The following CLSTN1 variants were observed in gnomAD, a reference collection of about 807,000 sequenced individuals.
CLSTN1 encodes calsyntenin-1.
CLSTN1 carries 28 observed loss-of-function variants against 108.3 expected under a neutral mutation model. That is an observed-to-expected ratio of 0.26 (90% CI 0.19 to 0.35). The LOEUF (loss-of-function observed/expected upper bound fraction) is 0.35, where lower values mean the gene tolerates loss of function less well. CLSTN1 is among the 10% of genes least tolerant of loss of function. The probability of loss-of-function intolerance (pLI) is 1.00; values close to 1 mark genes in which losing one functional copy is unlikely to be tolerated. For synonymous variants in CLSTN1, 524 were observed against 534.9 expected, an observed-to-expected ratio of 0.98 and a Z score of 0.28; for missense variants, 1,157 against 1,302.6, an observed-to-expected ratio of 0.89 and a Z score of 1.72.
intron 2 of CLSTN1, among the ~76,000 whole-genome samples, chr1:9,767,161 T>C (rs1342392274): frequency 6.6e-6 from 1 of 152,200 alleles, no homozygotes; most frequent in Non-Finnish European, 1.5e-5. Flanking sequence ...ACAAAGTAGC[T>C]TCTCCTGCTG....
chr1:9,774,548 A>G (rs1262050386), intron 1 of CLSTN1, among the ~76,000 whole-genome samples: 1 of 151,950 alleles, frequency 6.6e-6, no homozygotes, highest in East Asian at 1.9e-4. Flanking sequence ...ACTGGGCGAC[A>G]GAGTGAGACT....
At chr1:9,754,849 C>T (rs1174270502) in intron 4 of CLSTN1, among the ~76,000 whole-genome samples, 3 of 152,102 alleles carry the variant, frequency 2.0e-5, no homozygotes, top group Admixed American at 6.6e-5. Context: ...GAGCAAAACT[C>T]CATCTCAAAA....
At chr1:9,764,520 C>G (rs762922815) in intron 2 of CLSTN1, among the ~76,000 whole-genome samples, 1 of 151,886 alleles carries the variant, frequency 6.6e-6, no homozygotes, top group South Asian at 2.1e-4. Flanking sequence ...GCCTGTAATC[C>G]CAGCTACTCG....
At chr1:9,776,948 T>C (rs1415178354) in intron 1 of CLSTN1, among the ~76,000 whole-genome samples, 1 of 152,030 alleles carries the variant, frequency 6.6e-6, no homozygotes, top group Non-Finnish European at 1.5e-5. Context: ...CCAGGAGCAG[T>C]GTCTCATGCC....
At chr1:9,784,096 A>C (rs1653369927) in intron 1 of CLSTN1, among the ~76,000 whole-genome samples, 1 of 148,488 alleles carries the variant, frequency 6.7e-6, no homozygotes, top group Non-Finnish European at 1.5e-5. Context: ...TGCCTGAACC[A>C]GGGTGACGGA....
At chr1:9,758,733 A>G (rs1651934459) in intron 2 of CLSTN1, among the ~76,000 whole-genome samples, 1 of 152,346 alleles carries the variant, frequency 6.6e-6, no homozygotes, top group African/African-American at 2.4e-5. Flanking sequence ...GGGTCAAAAC[A>G]TGTAAAGTGC....
intron 17 of CLSTN1, 62 bp downstream of exon 17, chr1:9,731,699 G>A (rs1411539290): frequency 6.6e-7 from 1 of 1,524,268 alleles, no homozygotes; most frequent in African/African-American, 1.4e-5. Context: ...TGCCCACGGT[G>A]GGGTGGGGGC....
chr1:9,814,623 A>C (rs1654898625), intron 1 of CLSTN1, among the ~76,000 whole-genome samples: 1 of 152,204 alleles, frequency 6.6e-6, no homozygotes, highest in Non-Finnish European at 1.5e-5. Flanking sequence ...GAATGAAGAA[A>C]TGTCAGCTGG....
intron 7 of CLSTN1, among the ~76,000 whole-genome samples, chr1:9,746,803 T>C (rs192775599): frequency 3.3e-5 from 5 of 152,136 alleles, no homozygotes; most frequent in East Asian, 1.9e-4. Flanking sequence ...TTAGTCTCAA[T>C]TGTTTAATTC....
At chr1:9,740,156 T>C (rs1382139225) in intron 10 of CLSTN1, among the ~76,000 whole-genome samples, 2 of 150,680 alleles carry the variant, frequency 1.3e-5, no homozygotes, top group Non-Finnish European at 2.9e-5. Flanking sequence ...GCCTCCTGGG[T>C]TCAACCGATT....
At position 9,730,580 on chromosome 1, in the gene CLSTN1, C is replaced by A; in HGVS notation, c.2874G>T (p.Gly958=). The A allele has an allele frequency of 6.2e-7, 1 of 1,609,596 alleles. No individual in the cohort carries two copies. The highest frequency in any genetic ancestry group is 1.1e-5 in the South Asian group (1 of 91,072). The change falls in exon 19 of 19, where the codon GGG becomes GGT. Residue 958 remains glycine, a synonymous_variant. Transcript: ENST00000377298. The surrounding 1 kb of genome is among the most constrained non-coding windows in gnomAD (Gnocchi z 5.6). ...TTGCGTTCTGGGGGTCGCCCTGCTC[C>A]CCCTCCTCCTCCTCGCTGCTCTCCG... ...AESESSEEEE[G]EQGDPQNATR...
At chr1:9,806,654 T>G (rs1423466127) in intron 1 of CLSTN1, among the ~76,000 whole-genome samples, 1 of 151,900 alleles carries the variant, frequency 6.6e-6, no homozygotes, top group Non-Finnish European at 1.5e-5. Flanking sequence ...CCGAGGCAGG[T>G]GGATCACGAG....
Position 9,731,209 on chromosome 1 carries a change from C to T in CLSTN1, c.2745G>A (p.Met915Ile), listed in dbSNP as rs764604815. The T allele has an allele frequency of 3.1e-6, 5 of 1,614,218 alleles. No individual in the cohort carries two copies. The highest frequency in any genetic ancestry group is 4.2e-6 in the Non-Finnish European group (5 of 1,180,054). The stretch of plus-strand genomic sequence containing the variant: ...GAGGTCGCCCGCCCACTCCTACCTC[C>T]ATGGGGTTGACGGTGATGGTCAGGG... The part of the protein sequence containing the change: ...DSALTITVNP[M>I]ETYEDQHSSE... Residue 915 changes from methionine to isoleucine, a missense_variant, in exon 18 of 19, where the codon ATG (methionine) becomes ATA (isoleucine). Coordinates refer to ENST00000377298, the MANE Select transcript of CLSTN1 (RefSeq NM_001009566.3).
intron 1 of CLSTN1, among the ~76,000 whole-genome samples, chr1:9,818,962 A>AT (rs60856261): frequency 0.76 from 111,896 of 147,298 alleles, 46,419 homozygotes; most frequent in Non-Finnish European, 0.91. Flanking sequence ...AATTTTTTGT[A>AT]TTTTTTTTTA....
intron 7 of CLSTN1, among the ~76,000 whole-genome samples, chr1:9,748,939 C>A (rs766868290): frequency 6.6e-6 from 1 of 152,128 alleles, no homozygotes. Context: ...GGGTCTCACT[C>A]TATTGCCCAG....
chr1:9,753,234 C>T (rs1181057454), intron 4 of CLSTN1, among the ~76,000 whole-genome samples: 1 of 152,168 alleles, frequency 6.6e-6, no homozygotes, highest in Non-Finnish European at 1.5e-5. Context: ...AATCTGATAC[C>T]GCTGCTGATG....
At chr1:9,765,989 C>A (rs1331201725) in intron 2 of CLSTN1, among the ~76,000 whole-genome samples, 1 of 152,176 alleles carries the variant, frequency 6.6e-6, no homozygotes, top group African/African-American at 2.4e-5. Flanking sequence ...CAGCAGTTAA[C>A]CCCACTGGCC....
At chr1:9,817,461 G>A (rs1180775202) in intron 1 of CLSTN1, among the ~76,000 whole-genome samples, 1 of 151,924 alleles carries the variant, frequency 6.6e-6, no homozygotes, top group African/African-American at 2.4e-5. Context: ...CCGAGTAGCT[G>A]GGATTACAGG....
chr1:9,744,234 C>T (rs1413307511), intron 8 of CLSTN1, among the ~76,000 whole-genome samples, 161 bp downstream of exon 8: 3 of 152,218 alleles, frequency 2.0e-5, no homozygotes, highest in Non-Finnish European at 2.9e-5. Context: ...AATGCCCAGG[C>T]CGTGGCTCTA....
Sources: gnomAD v4.1 joint callset for allele counts (sites outside exome capture counted in the v4.1 genomes callset) on GRCh38, gnomAD v4.1.1 for gene constraint, Gnocchi (gnomAD v3.1) non-coding constraint, MANE v1.5 for transcripts, NCBI Gene and HGNC (gene_info 2026-07-23, HGNC 2026-07-21) for gene names.